MECOM: variants seen among roughly 807,000 people sequenced by gnomAD.
MECOM encodes the protein histone-lysine N-methyltransferase MECOM.
In MECOM, 13 loss-of-function variants were observed where a neutral mutation model predicts 116.3. That is an observed-to-expected ratio of 0.11 (90% CI 0.07 to 0.18). The LOEUF (loss-of-function observed/expected upper bound fraction) is 0.18, where lower values mean the gene tolerates loss of function less well. Among genes scored for constraint, MECOM ranks in the 10% least tolerant of loss-of-function variants. MECOM has a pLI of 1.00. For missense variants in MECOM, 1,299 were observed against 1,509.0 expected (o/e 0.86, Z 2.31); for synonymous variants, 528 against 535.2 (o/e 0.99, Z 0.19).
chr3:169,351,618 A>G (rs950185660), intron 2 of MECOM, among the ~76,000 whole-genome samples: 1 of 151,944 alleles, frequency 6.6e-6, no homozygotes, highest in Non-Finnish European at 1.5e-5. Flanking sequence ...TCTTTTGTTA[A>G]TAATATTCAA....
chr3:169,217,025 G>A (rs570694449), intron 2 of MECOM, among the ~76,000 whole-genome samples: 3 of 152,188 alleles, frequency 2.0e-5, no homozygotes, highest in African/African-American at 2.4e-5. Context: ...GAGAACAACC[G>A]ACAGATACCC....
intron 2 of MECOM, among the ~76,000 whole-genome samples, chr3:169,226,293 TAA>T (rs1752716131): frequency 6.6e-6 from 1 of 152,156 alleles, no homozygotes; most frequent in African/African-American, 2.4e-5. Context: ...AAAAAAAGAA[TAA>T]GAGTAGAAGT....
At position 169,577,413 on chromosome 3, in the gene MECOM, C is replaced by T. The variant is rs141966480; in HGVS notation, c.37+85923G>A. Among the ~76,000 whole-genome samples the T allele has an allele frequency of 2.7e-3, 417 of 151,950 alleles. 3 individuals carry two copies. The highest frequency in any genetic ancestry group is 9.6e-3 in the African/African-American group (400 of 41,460). On this transcript the variant is annotated intron_variant, in intron 1 of 16. Coordinates refer to ENST00000651503, the MANE Select transcript of MECOM (RefSeq NM_004991.4). ...ACTAGCCATCTAACTCTCTTCATTC[C>T]AAACTTTCATGAACCTAAGTGAATC...
intron 1 of MECOM, among the ~76,000 whole-genome samples, chr3:169,403,016 A>AG (rs1260501428): frequency 6.6e-6 from 1 of 152,230 alleles, no homozygotes; most frequent in Non-Finnish European, 1.5e-5. Flanking sequence ...GAACTTTGAG[A>AG]GAAAAAAAGT....
At chr3:169,232,815 A>T (rs775254877) in intron 2 of MECOM, among the ~76,000 whole-genome samples, 3 of 152,052 alleles carry the variant, frequency 2.0e-5, no homozygotes, top group Non-Finnish European at 4.4e-5. Flanking sequence ...CAAACACTGT[A>T]TGTTGCCAGT....
At chr3:169,542,409 A>G (rs900977191) in intron 1 of MECOM, among the ~76,000 whole-genome samples, 5 of 152,074 alleles carry the variant, frequency 3.3e-5, no homozygotes, top group Non-Finnish European at 4.4e-5. Flanking sequence ...CAGAATAATC[A>G]CTGTAAACAA....
intron 2 of MECOM, among the ~76,000 whole-genome samples, chr3:169,195,225 C>T (rs1748261134): frequency 6.6e-6 from 1 of 152,050 alleles, no homozygotes; most frequent in African/African-American, 2.4e-5. Flanking sequence ...TAAACAAGAT[C>T]CTGAATACCC....
intron 1 of MECOM, among the ~76,000 whole-genome samples, chr3:169,388,101 G>A (rs566311783): frequency 6.6e-6 from 1 of 152,128 alleles, no homozygotes; most frequent in South Asian, 2.1e-4. Context: ...GCTCTAGGAG[G>A]AGAACAGCTC....
chr3:169,100,077 TTTTCTTTC>T (rs1207156255), intron 12 of MECOM, among the ~76,000 whole-genome samples: 12 of 129,286 alleles, frequency 9.3e-5, no homozygotes, highest in Middle Eastern at 4.2e-3. Flanking sequence ...TCTATTCTTT[TTTTCTTTC>T]TTTCTTTCTT....
At chr3:169,418,268 AC>A (rs914089202) in intron 1 of MECOM, among the ~76,000 whole-genome samples, 10 of 152,168 alleles carry the variant, frequency 6.6e-5, no homozygotes, top group African/African-American at 1.7e-4. Context: ...TAGGCTACCA[AC>A]CAAAAAAAGC....
chr3:169,362,222 C>A (rs1482472477), intron 2 of MECOM, among the ~76,000 whole-genome samples: 1 of 151,654 alleles, frequency 6.6e-6, no homozygotes, highest in Non-Finnish European at 1.5e-5. Context: ...GTGGGCTTTT[C>A]TCAACAACAA....
At chr3:169,147,282 C>A in intron 2 of MECOM, 1 of 985,538 alleles carries the variant, frequency 1.0e-6, no homozygotes, top group East Asian at 1.1e-4. Context: ...GCTCTATCCC[C>A]CTTTCAGATC....
intron 1 of MECOM, among the ~76,000 whole-genome samples, chr3:169,483,204 T>G (rs546727528): frequency 8.9e-6 from 1 of 112,944 alleles, no homozygotes; most frequent in Non-Finnish European, 1.7e-5. Flanking sequence ...TTATTTTTAT[T>G]TTTTTTTTTT....
chr3:169,162,552 A>T (rs563448664), intron 2 of MECOM, among the ~76,000 whole-genome samples: 1 of 152,316 alleles, frequency 6.6e-6, no homozygotes, highest in Admixed American at 6.5e-5. Flanking sequence ...AGCGGAAAAT[A>T]ATATTACTGG....
chr3:169,382,865 T>TA lies in MECOM; in HGVS notation c.38-1342dup, dbSNP rs1194079538. 2.0e-4 allele frequency among the ~76,000 whole-genome samples: 9 copies of TA among 44,808 alleles called. 1 individual carries two copies. The highest frequency in any genetic ancestry group is 1.3e-3 in the South Asian group (2 of 1,486). 29.4% of individuals were successfully genotyped at this position (44,808 alleles called of 152,430 possible). A position where few individuals can be genotyped will look rare whatever the true frequency, so the allele number is the denominator to read the frequency against. ...AGCCCATCTCAAAAAAAAAAAAAAA[T>TA]AAAAAAAATAAAAAAAGAAGGTAAA... On this transcript the variant is annotated intron_variant, in intron 1 of 16. Transcript: ENST00000651503.
chr3:169,451,702 A>C (rs1745629537), intron 1 of MECOM, among the ~76,000 whole-genome samples: 1 of 152,170 alleles, frequency 6.6e-6, no homozygotes, highest in Non-Finnish European at 1.5e-5. Flanking sequence ...GTATTATACC[A>C]TTGATGATTC....
chr3:169,248,140 A>C (rs1164601698), intron 2 of MECOM, among the ~76,000 whole-genome samples: 1 of 152,244 alleles, frequency 6.6e-6, no homozygotes, highest in East Asian at 1.9e-4. Flanking sequence ...TAGAAGTTTC[A>C]AGTAATTCTA....
At chr3:169,431,126 C>T (rs1266340876) in intron 1 of MECOM, among the ~76,000 whole-genome samples, 1 of 152,138 alleles carries the variant, frequency 6.6e-6, no homozygotes, top group African/African-American at 2.4e-5. Flanking sequence ...ATCCTGTTTG[C>T]TAATAAAAAG....
In MECOM at chr3:169,095,319, CA is replaced by C. The variant is rs1355673475; in HGVS notation, c.2850-75del. 15 of 1,256,990 alleles carry C rather than the reference CA, an allele frequency of 1.2e-5. No homozygotes were observed. The African/African-American group carries it at 2.1e-4, about 18-fold the overall frequency. The allele number at this position is 1,256,990 out of a possible 1,614,324, so 77.9% of individuals were successfully genotyped here. A position where few individuals can be genotyped will look rare whatever the true frequency, so the allele number is the denominator to read the frequency against. On this transcript the variant is annotated intron_variant, in intron 12 of 16. Transcript: ENST00000651503. ...TTCTCAAGACTAGTTAGCCAGCTATCAAAAATCATCTCCACTCATAAAACAA... is the reference window on the plus strand; with the variant it reads ...TTCTCAAGACTAGTTAGCCAGCTATCAAAATCATCTCCACTCATAAAACAA...
Sources: gnomAD v4.1 joint callset for allele counts (sites outside exome capture counted in the v4.1 genomes callset) on GRCh38, gnomAD v4.1.1 for gene constraint, MANE v1.5 for transcripts, NCBI Gene and HGNC (gene_info 2026-07-23, HGNC 2026-07-21) for gene names.